ABCB4: variants seen among roughly 807,000 people sequenced by gnomAD.
The protein encoded by ABCB4 is phosphatidylcholine translocator ABCB4.
Under a neutral mutation model 145.7 loss-of-function variants are expected in ABCB4, and 76 were observed. That is an observed-to-expected ratio of 0.52 (90% CI 0.43 to 0.63). The LOEUF (loss-of-function observed/expected upper bound fraction) is 0.63, where lower values mean the gene tolerates loss of function less well. ABCB4 is among the 30% of genes least tolerant of loss of function. ABCB4 has a pLI of 0.00. For synonymous variants in ABCB4, 517 were observed against 566.8 expected (o/e 0.91, Z 1.25); for missense variants, 1,234 against 1,553.1 (o/e 0.79, Z 3.45).
At chr7:87,411,624 T>G in intron 23 of ABCB4, among the ~76,000 whole-genome samples, 1 of 152,158 alleles carries the variant, frequency 6.6e-6, no homozygotes, top group East Asian at 1.9e-4. Context: ...ATGAGAAAAT[T>G]TGCATCATCC....
Position 87,412,095 on chromosome 7 carries a change from G to C in ABCB4, c.2784-62C>G, listed in dbSNP as rs1315970688. ...CAGCCTCCTTTAGCGCTGTGTAGTG[G>C]AAAGAGCACGGCTTCTAAGTCTGGC... is the stretch of plus-strand genomic sequence containing the variant. On this transcript the variant is annotated intron_variant, in intron 22 of 27. Coordinates refer to ENST00000649586, the MANE Select transcript of ABCB4 (RefSeq NM_000443.4). 11 of 1,597,098 alleles carry C rather than the reference G, an allele frequency of 6.9e-6. No homozygotes were observed. In the Admixed American group the frequency reaches 8.4e-5, roughly 12 times the overall value.
intron 3 of ABCB4, among the ~76,000 whole-genome samples, chr7:87,470,360 T>G (rs1813275744): frequency 6.6e-6 from 1 of 152,074 alleles, no homozygotes; most frequent in Non-Finnish European, 1.5e-5. Context: ...AAAGCCAAAA[T>G]TGACAAAAAT....
At chr7:87,367,947 A>G in the ABCB4 span, among the ~76,000 whole-genome samples, 1 of 152,116 alleles carries the variant, frequency 6.6e-6, no homozygotes, top group African/African-American at 2.4e-5. Flanking sequence ...TAACAGCTGG[A>G]GGGATCTTTT....
rs999096003 is a variant in ABCB4 at position 87,407,981 on chromosome 7, T to G, written c.3279+56A>C. ...TCCAATATTTTCCATTATGACAATA[T>G]TGGTTGGGCCAATTAAAATATAGCC... On this transcript the variant is annotated intron_variant, in intron 25 of 27. Coordinates refer to ENST00000649586, the MANE Select transcript of ABCB4 (RefSeq NM_000443.4). 4 of 1,602,112 alleles carry G rather than the reference T, an allele frequency of 2.5e-6. No homozygotes were observed. In the African/African-American group the frequency reaches 5.4e-5, roughly 21 times the overall value.
At chr7:87,375,477 A>G in the ABCB4 span, 9 of 565,544 alleles carry the variant, frequency 1.6e-5, no homozygotes, top group Admixed American at 6.9e-5. Context: ...ACTTAAAAAA[A>G]TATGTGATGT....
chr7:87,449,931 A>C, intron 8 of ABCB4, 37 bp downstream of exon 8: 1 of 1,614,038 alleles, frequency 6.2e-7, no homozygotes. Flanking sequence ...ATGTAAAAAC[A>C]CATTCCTTAA....
chr7:87,377,479 T>C, the ABCB4 span: 2 of 1,329,522 alleles, frequency 1.5e-6, no homozygotes, highest in Non-Finnish European at 1.1e-6. Flanking sequence ...TTTTTCTCTT[T>C]TGATCTTTTA....
chr7:87,405,313 AAC>A (rs1808103866), intron 26 of ABCB4, among the ~76,000 whole-genome samples: 1 of 152,184 alleles, frequency 6.6e-6, no homozygotes, highest in African/African-American at 2.4e-5. Flanking sequence ...ACAAACGGAG[AAC>A]AGATTCATGT....
downstream of ABCB4, among the ~76,000 whole-genome samples, chr7:87,400,524 A>G (rs1343083422): frequency 6.6e-6 from 1 of 152,228 alleles, no homozygotes; most frequent in Non-Finnish European, 1.5e-5. Flanking sequence ...ATTTCTTCAC[A>G]GTTGGTATAG....
chr7:87,456,136 G>A (rs992187996), intron 4 of ABCB4, among the ~76,000 whole-genome samples: 7 of 152,162 alleles, frequency 4.6e-5, no homozygotes, highest in African/African-American at 1.7e-4. Flanking sequence ...CTAGAGGCAG[G>A]CAAGCTATTC....
the ABCB4 span, among the ~76,000 whole-genome samples, chr7:87,392,123 C>A: frequency 1.3e-5 from 2 of 151,944 alleles, no homozygotes; most frequent in Non-Finnish European, 2.9e-5. Context: ...GTTTCATACT[C>A]TTTTTTTTGA....
chr7:87,474,497 T>C (rs908214366), intron 2 of ABCB4, among the ~76,000 whole-genome samples: 2 of 152,238 alleles, frequency 1.3e-5, no homozygotes, highest in African/African-American at 4.8e-5. Context: ...TTCAGTTAGC[T>C]AATCAAGCCC....
intron 21 of ABCB4, among the ~76,000 whole-genome samples, chr7:87,414,328 G>A (rs1020927342): frequency 6.6e-6 from 1 of 152,224 alleles, no homozygotes; most frequent in African/African-American, 2.4e-5. Flanking sequence ...GGGCTTCAGA[G>A]GCTGATGTCA....
the ABCB4 span, chr7:87,377,537 T>C: frequency 1.4e-6 from 1 of 737,458 alleles, no homozygotes; most frequent in Non-Finnish European, 2.3e-6. Flanking sequence ...TGGGGAACAG[T>C]GTAAGTGAAT....
rs575280378 is a variant in ABCB4 at position 87,447,204 on chromosome 7, A to G, written c.835T>C (p.Tyr279His). ...FGGQNKELER[Y>H]QKHLENAKEI... ...TTGGCATTTTCTAAATGTTTCTGAT[A>G]CCTACCAGAAAAATGAGAGGGAAAA... The change falls in exon 9 of 28, where the codon TAT becomes CAT. Residue 279 changes from tyrosine to histidine, a missense_variant and splice_region_variant. Coordinates refer to ENST00000649586, the MANE Select transcript of ABCB4 (RefSeq NM_000443.4). 3 of 1,612,996 alleles carry G rather than the reference A, an allele frequency of 1.9e-6. No homozygotes were observed. The South Asian group carries it at 3.3e-5, about 18-fold the overall frequency.
Position 87,426,772 on chromosome 7 carries a change from A to G in ABCB4, c.2042T>C (p.Leu681Pro), listed in dbSNP as rs150734487. Reference protein sequence around the residue: ...LKNSQMCQKSLDVETDGLEAN... With the variant: ...LKNSQMCQKSPDVETDGLEAN... ...TACAAGTCCATCGGTTTCCACATCA[A>G]GGCTCTTCTGACACATTTGTGAATT... is the stretch of plus-strand genomic sequence containing the variant. Residue 681 changes from leucine to proline, a missense_variant, in exon 16 of 28, where the codon CTT (leucine) becomes CCT (proline). This residue lies in a region of ABCB4 where 321 missense variants were observed against 332.6 expected (regional missense o/e 0.97). Coordinates refer to ENST00000649586, the MANE Select transcript of ABCB4 (RefSeq NM_000443.4). The G allele has an allele frequency of 8.1e-6, 13 of 1,613,908 alleles. No homozygotes were observed. The African/African-American group carries it at 1.6e-4, about 20-fold the overall frequency.
intron 22 of ABCB4, among the ~76,000 whole-genome samples, 172 bp from the exon 23 acceptor site, chr7:87,412,205 C>T (rs1189164184): frequency 1.3e-5 from 2 of 152,176 alleles, no homozygotes; most frequent in East Asian, 1.9e-4. Context: ...GAAATAATCA[C>T]TGTAATGCAG....
At chr7:87,452,833 A>G in intron 6 of ABCB4, 111 bp downstream of exon 6, 1 of 1,229,040 alleles carries the variant, frequency 8.1e-7, no homozygotes, top group Non-Finnish European at 1.2e-6. Context: ...GATTTCTAAT[A>G]TAGATCAGAT....
At chr7:87,373,566 G>A in the ABCB4 span, among the ~76,000 whole-genome samples, 1 of 152,024 alleles carries the variant, frequency 6.6e-6, no homozygotes, top group East Asian at 1.9e-4. Flanking sequence ...GTGGGAAGGG[G>A]GAGATAATGT....
Sources: gnomAD v4.1 joint callset for allele counts (sites outside exome capture counted in the v4.1 genomes callset) on GRCh38, gnomAD v4.1.1 for gene constraint, gnomAD v4.1.1 regional missense constraint, MANE v1.5 for transcripts, NCBI Gene and HGNC (gene_info 2026-07-23, HGNC 2026-07-21) for gene names.